The following MARCHF10 variants were observed in gnomAD, a reference collection of about 807,000 sequenced individuals.
The protein encoded by MARCHF10 is membrane associated ring-CH-type finger 10, also known as probable E3 ubiquitin-protein ligase MARCHF10.
Under a neutral mutation model 76.2 loss-of-function variants are expected in MARCHF10, and 64 were observed. The ratio of observed to expected loss-of-function variants is 0.84; its 90% CI spans 0.69 to 1.03. The LOEUF (loss-of-function observed/expected upper bound fraction) is 1.03, where lower values mean the gene tolerates loss of function less well. Ranked by LOEUF, MARCHF10 falls within the 50% of genes least tolerant of loss-of-function variation. MARCHF10 has a pLI of 0.00. For synonymous variants in MARCHF10, 340 were observed against 357.5 expected (o/e 0.95, Z 0.55); for missense variants, 875 against 958.0 (o/e 0.91, Z 1.14).
At chr17:62,737,675 A>T (rs560307106) in intron 5 of MARCHF10, 2 of 229,628 alleles carry the variant, frequency 8.7e-6, no homozygotes, top group South Asian at 1.7e-4. Flanking sequence ...TTCCATACGT[A>T]CTGAAAGGGA....
chr17:62,789,202 C>A (rs1353819451), intron 2 of MARCHF10, among the ~76,000 whole-genome samples: 1 of 152,048 alleles, frequency 6.6e-6, no homozygotes, highest in Non-Finnish European at 1.5e-5. Context: ...AGGAGGGCAG[C>A]ACCTGTTACA....
intron 10 of MARCHF10, chr17:62,704,941 C>T (rs1436366319): frequency 2.1e-6 from 2 of 964,760 alleles, no homozygotes; most frequent in Non-Finnish European, 2.5e-6. Context: ...CGTTTTTCTC[C>T]AGTCGTTTTT....
chr17:62,798,157 T>C (rs1202626692), intron 2 of MARCHF10, among the ~76,000 whole-genome samples: 1 of 152,030 alleles, frequency 6.6e-6, no homozygotes, highest in Non-Finnish European at 1.5e-5. Context: ...GGTTGAACCA[T>C]AGCAGAGGAT....
At chr17:62,740,083 CGTGTGT>C (rs72034322) in intron 5 of MARCHF10, among the ~76,000 whole-genome samples, 3 of 143,910 alleles carry the variant, frequency 2.1e-5, no homozygotes, top group South Asian at 4.4e-4. Flanking sequence ...TGTGTGTGTG[CGTGTGT>C]GTGTGTGTTT....
chr17:62,768,608 A>G (rs2092384573), intron 3 of MARCHF10, among the ~76,000 whole-genome samples: 1 of 152,242 alleles, frequency 6.6e-6, no homozygotes, highest in African/African-American at 2.4e-5. Context: ...TTTATTTTGA[A>G]AAGTTTCAAA....
At chr17:62,718,531 T>A (rs890957061) in intron 8 of MARCHF10, among the ~76,000 whole-genome samples, 1 of 152,186 alleles carries the variant, frequency 6.6e-6, no homozygotes, top group African/African-American at 2.4e-5. Context: ...CTCTGATAGA[T>A]AGTATTCTGG....
intron 3 of MARCHF10, among the ~76,000 whole-genome samples, chr17:62,783,157 A>T (rs1478066356): frequency 2.7e-5 from 4 of 150,702 alleles, no homozygotes; most frequent in Non-Finnish European, 5.9e-5. Flanking sequence ...GCAAACATAA[A>T]ATATCCTGTC....
intron 7 of MARCHF10, 142 bp from the exon 8 acceptor site, chr17:62,722,739 T>G: frequency 1.6e-6 from 1 of 631,514 alleles, no homozygotes; most frequent in Non-Finnish European, 2.6e-6. Flanking sequence ...GCCAGCCATC[T>G]TCTGTAGAAA....
chr17:62,732,413 C>G (rs1463218525), intron 6 of MARCHF10, among the ~76,000 whole-genome samples: 1 of 152,118 alleles, frequency 6.6e-6, no homozygotes, highest in African/African-American at 2.4e-5. Flanking sequence ...GAATAGAGAG[C>G]CCTGAAACTG....
At chr17:62,741,990 G>A (rs1220464198) in intron 5 of MARCHF10, among the ~76,000 whole-genome samples, 9 of 150,386 alleles carry the variant, frequency 6.0e-5, no homozygotes, top group Middle Eastern at 3.2e-3. Flanking sequence ...GAGCCACCGC[G>A]CCCAGCCTGG....
At position 62,793,437 on chromosome 17, in the gene MARCHF10, AACCATCACC is replaced by A. The variant is rs1169941802; in HGVS notation, c.91-4847_91-4839del. Among the ~76,000 whole-genome samples the A allele has an allele frequency of 7.0e-4, 52 of 74,314 alleles. 1 individual carries two copies. The highest frequency in any genetic ancestry group is 2.9e-3 in the African/African-American group (51 of 17,540). The allele number at this position is 74,314 out of a possible 152,430, so 48.8% of individuals were successfully genotyped here. A position where few individuals can be genotyped will look rare whatever the true frequency, so the allele number is the denominator to read the frequency against. On this transcript the variant is annotated intron_variant, in intron 2 of 10. Transcript: ENST00000311269. Reference sequence around the variant, plus strand: ...CCATCACCTCCATCACTACCACCACAACCATCACCACCATCACCACCACCATCACCACCA... The same window carrying A: ...CCATCACCTCCATCACTACCACCACAACCATCACCACCACCATCACCACCA...
At chr17:62,722,640 CTGTT>C (rs765918540) in intron 7 of MARCHF10, 43 bp from the exon 8 acceptor site, 1 of 1,535,310 alleles carries the variant, frequency 6.5e-7, no homozygotes, top group Non-Finnish European at 8.9e-7. Flanking sequence ...AACCATGGGT[CTGTT>C]TGTGTTAGCA....
intron 4 of MARCHF10, among the ~76,000 whole-genome samples, chr17:62,746,012 C>T (rs1009041157): frequency 2.0e-5 from 3 of 152,174 alleles, no homozygotes; most frequent in African/African-American, 7.2e-5. Flanking sequence ...AAGCCCCCGA[C>T]TTGTGTGTGA....
intron 4 of MARCHF10, among the ~76,000 whole-genome samples, chr17:62,753,387 G>A (rs1258951288): frequency 1.3e-5 from 2 of 152,238 alleles, no homozygotes; most frequent in East Asian, 3.9e-4. Context: ...GATTACAGGC[G>A]TGAGCCACCA....
chr17:62,748,312 A>G (rs1599207808), intron 4 of MARCHF10, among the ~76,000 whole-genome samples: 1 of 152,130 alleles, frequency 6.6e-6, no homozygotes, highest in Non-Finnish European at 1.5e-5. Context: ...CAGGAGAATC[A>G]CTTGAACCTG....
intron 10 of MARCHF10, chr17:62,704,830 A>G: frequency 3.1e-6 from 2 of 654,808 alleles, no homozygotes; most frequent in Non-Finnish European, 3.8e-6. Context: ...ATCTCTGGGG[A>G]CCCAGTTGTC....
chr17:62,714,044 T>C (rs935811452), intron 8 of MARCHF10, among the ~76,000 whole-genome samples: 1 of 152,070 alleles, frequency 6.6e-6, no homozygotes, highest in African/African-American at 2.4e-5. Flanking sequence ...TATTCAAGAG[T>C]GCTCCTAGGT....
rs778196127 is a variant in MARCHF10, at chr17:62,736,399, G to C, written c.1469C>G (p.Ser490Ter). 6.2e-7 allele frequency: 1 copy of C among 1,614,156 alleles called. No individual in the cohort carries two copies. Among genetic ancestry groups the C allele is most frequent in the South Asian group, 1.1e-5 (1 of 91,078 alleles). ...ALRDDIPVDL[S>*]MSSTSVHSSD... ...GCTGTGAACTGAAGTCGATGACATTGACAAGTCTACTGGAATATCATCTCT... is the reference window on the plus strand; with the variant it reads ...GCTGTGAACTGAAGTCGATGACATTCACAAGTCTACTGGAATATCATCTCT... Residue 490 changes from serine to a stop codon, truncating the protein, a stop_gained, in exon 6 of 11, where the codon TCA becomes TGA. Transcript: ENST00000311269. LOFTEE classifies it high-confidence loss of function.
intron 2 of MARCHF10, among the ~76,000 whole-genome samples, chr17:62,793,168 A>G (rs2092901034): frequency 7.9e-6 from 1 of 126,166 alleles, no homozygotes; most frequent in Non-Finnish European, 1.7e-5. Flanking sequence ...CACCACCACC[A>G]CCTCCATCAC....
Sources: allele counts gnomAD v4.1 joint callset (sites outside exome capture counted in the v4.1 genomes callset), GRCh38; gene constraint gnomAD v4.1.1; transcripts MANE v1.5; gene names NCBI Gene and HGNC (gene_info 2026-07-23, HGNC 2026-07-21).